The following CDH18 variants were observed in gnomAD, a reference collection of about 807,000 sequenced individuals.
The protein encoded by CDH18 is cadherin 18, also known as cadherin-18.
CDH18 carries 31 observed loss-of-function variants against 67.9 expected under a neutral mutation model. That is an observed-to-expected ratio of 0.46 (90% CI 0.34 to 0.62). The LOEUF is 0.62. Ranked by LOEUF, CDH18 falls within the 20% of genes least tolerant of loss-of-function variation. CDH18 has a pLI of 0.01. For synonymous variants in CDH18, 362 were observed against 347.2 expected (o/e 1.04, Z -0.48); for missense variants, 890 against 975.5 (o/e 0.91, Z 1.17).
intron 1 of CDH18, among the ~76,000 whole-genome samples, chr5:20,393,939 G>T (rs1745078723): frequency 6.6e-6 from 1 of 151,894 alleles, no homozygotes; most frequent in South Asian, 2.1e-4. Flanking sequence ...TCTCAGTCAG[G>T]CTCATGGACT....
chr5:20,479,277 G>T (rs749365599), intron 1 of CDH18, among the ~76,000 whole-genome samples: 10 of 152,002 alleles, frequency 6.6e-5, no homozygotes, highest in Non-Finnish European at 1.5e-4. Context: ...AGTAACTAAG[G>T]TACCAGTGAC....
intron 1 of CDH18, among the ~76,000 whole-genome samples, chr5:20,457,770 A>G (rs1232208483): frequency 6.6e-6 from 1 of 152,168 alleles, no homozygotes; most frequent in African/African-American, 2.4e-5. Flanking sequence ...AGGCAGGATG[A>G]ATATAAGACA....
At chr5:19,820,926 A>G (rs1217371089) in intron 3 of CDH18, among the ~76,000 whole-genome samples, 1 of 152,188 alleles carries the variant, frequency 6.6e-6, no homozygotes, top group Non-Finnish European at 1.5e-5. Flanking sequence ...CAACAGGAAA[A>G]AAAATAAAAA....
chr5:20,533,112 G>T (rs567127775), intron 1 of CDH18, among the ~76,000 whole-genome samples: 2 of 152,078 alleles, frequency 1.3e-5, no homozygotes, highest in East Asian at 3.9e-4. Flanking sequence ...ACACTCACTC[G>T]GGGAGAATGC....
chr5:19,960,653 A>ATATATGTATACATATACACGTG (rs1796750055), intron 2 of CDH18, among the ~76,000 whole-genome samples: 2 of 113,568 alleles, frequency 1.8e-5, no homozygotes, highest in African/African-American at 1.1e-4. Context: ...ATACACGTGT[A>ATATATGTATACATATACACGTG]TATATATATA....
intron 2 of CDH18, among the ~76,000 whole-genome samples, chr5:20,238,479 G>T (rs1040243124): frequency 2.6e-5 from 4 of 151,966 alleles, no homozygotes; most frequent in African/African-American, 9.7e-5. Flanking sequence ...TAATTGTTAA[G>T]AAAATACAAA....
At chr5:20,420,963 TA>T (rs1747815254) in intron 1 of CDH18, among the ~76,000 whole-genome samples, 1 of 151,206 alleles carries the variant, frequency 6.6e-6, no homozygotes, top group African/African-American at 2.5e-5. Flanking sequence ...AATACTTTCC[TA>T]AAAATTCCTG....
At chr5:19,666,833 C>A (rs1236646474) in intron 5 of CDH18, among the ~76,000 whole-genome samples, 3 of 151,996 alleles carry the variant, frequency 2.0e-5, no homozygotes, top group Non-Finnish European at 4.4e-5. Flanking sequence ...ATAACTTATA[C>A]AAGCTATTAT....
intron 1 of CDH18, among the ~76,000 whole-genome samples, chr5:20,377,783 A>G (rs1329135147): frequency 2.6e-5 from 4 of 152,212 alleles, no homozygotes; most frequent in African/African-American, 2.4e-5. Flanking sequence ...AAAAATGAGT[A>G]CAATTACTTT....
At chr5:19,785,418 C>T (rs970817640) in intron 3 of CDH18, among the ~76,000 whole-genome samples, 74 of 150,758 alleles carry the variant, frequency 4.9e-4, no homozygotes, top group African/African-American at 1.6e-3. Context: ...TTTGGGAGGC[C>T]GAGGCGGGCA....
intron 1 of CDH18, among the ~76,000 whole-genome samples, chr5:20,553,348 T>A (rs2126627653): frequency 6.6e-6 from 1 of 152,258 alleles, no homozygotes; most frequent in South Asian, 2.1e-4. Context: ...TGACTGAGGT[T>A]AGCATTCTTT....
chr5:19,852,810 G>T (rs1013795818), intron 2 of CDH18, among the ~76,000 whole-genome samples: 5 of 151,954 alleles, frequency 3.3e-5, no homozygotes, highest in African/African-American at 1.2e-4. Context: ...CTGGTTTCTA[G>T]GAATCCATTT....
At chr5:20,371,046 A>C (rs1742957302) in intron 1 of CDH18, among the ~76,000 whole-genome samples, 1 of 152,058 alleles carries the variant, frequency 6.6e-6, no homozygotes, top group Non-Finnish European at 1.5e-5. Flanking sequence ...CAAAAAAAAA[A>C]AGACTGTGGC....
intron 1 of CDH18, among the ~76,000 whole-genome samples, chr5:20,287,132 T>C (rs1048706475): frequency 6.6e-6 from 1 of 151,788 alleles, no homozygotes; most frequent in African/African-American, 2.4e-5. Context: ...CTAAGTGGAT[T>C]GATATCTGTA....
At chr5:19,762,562 C>G (rs2149709218) in intron 3 of CDH18, among the ~76,000 whole-genome samples, 1 of 152,084 alleles carries the variant, frequency 6.6e-6, no homozygotes, top group East Asian at 1.9e-4. Context: ...CCACTCACAC[C>G]AGTTAGAATG....
chr5:19,897,590 A>G (rs1789488162), intron 2 of CDH18, among the ~76,000 whole-genome samples: 1 of 152,146 alleles, frequency 6.6e-6, no homozygotes, highest in African/African-American at 2.4e-5. Flanking sequence ...AGAAATAAGT[A>G]CATATATTTT....
chr5:19,755,462 C>CATATATAT (rs375579381), intron 3 of CDH18, among the ~76,000 whole-genome samples: 37,686 of 78,570 alleles, frequency 0.48, 10,424 homozygotes, highest in South Asian at 0.57. Flanking sequence ...TATATATACA[C>CATATATAT]ACACACACAC....
At chr5:20,570,905 G>A (rs1377440528) in intron 1 of CDH18, among the ~76,000 whole-genome samples, 1 of 152,116 alleles carries the variant, frequency 6.6e-6, no homozygotes, top group Non-Finnish European at 1.5e-5. Flanking sequence ...ATAGGCCAAG[G>A]AGTAATTTTG....
intron 3 of CDH18, among the ~76,000 whole-genome samples, chr5:19,767,137 G>A (rs1475310063): frequency 6.6e-6 from 1 of 151,770 alleles, no homozygotes; most frequent in Non-Finnish European, 1.5e-5. Context: ...AATACCAGGA[G>A]AAAACTTGGC....
Sources: gnomAD v4.1 joint callset for allele counts (sites outside exome capture counted in the v4.1 genomes callset) on GRCh38, gnomAD v4.1.1 for gene constraint, MANE v1.5 for transcripts, NCBI Gene and HGNC (gene_info 2026-07-23, HGNC 2026-07-21) for gene names.